FAM120C: variants seen among roughly 807,000 people sequenced by gnomAD.
FAM120C encodes constitutive coactivator of PPAR-gamma-like protein 2.
Under a neutral mutation model 71.2 loss-of-function variants are expected in FAM120C, and 14 were observed. The ratio of observed to expected loss-of-function variants is 0.20; its 90% confidence interval spans 0.13 to 0.31. FAM120C has a LOEUF of 0.31. Among genes scored for constraint, FAM120C ranks in the 10% least tolerant of loss-of-function variants. The pLI is 1.00. For synonymous variants in FAM120C, 354 were observed against 353.2 expected (o/e 1.00, Z -0.03); for missense variants, 500 against 879.0 (o/e 0.57, Z 5.45).
In FAM120C at chrX:54,152,543, C is replaced by A. The variant is rs782703543; in HGVS notation, c.1030-1170G>T. On this transcript the variant is annotated intron_variant, in intron 3 of 15. Transcript: ENST00000375180. ...AAAGTGCTGGGATTACAGGCATGAG[C>A]CACTGCGCCTGGCCCTTAACAAATT... 8.0e-5 allele frequency among the ~76,000 whole-genome samples: 9 copies of A among 112,362 alleles called. No individual in the cohort carries two copies. The South Asian group carries it at 3.3e-3, about 41-fold the overall frequency.
intron 3 of FAM120C, among the ~76,000 whole-genome samples, chrX:54,153,874 A>C (rs1170971376): frequency 2.8e-5 from 3 of 106,359 alleles, no homozygotes; most frequent in Non-Finnish European, 3.9e-5. Context: ...CCTTTTAAAA[A>C]ATTTTTAGTA....
At chrX:54,148,095 C>A (rs2146625462) in intron 4 of FAM120C, among the ~76,000 whole-genome samples, 1 of 111,622 alleles carries the variant, frequency 9.0e-6, no homozygotes, top group South Asian at 3.7e-4. Context: ...ACACCAAAAG[C>A]ATGACCCATA....
At chrX:54,180,337 C>T (rs2067341543) in intron 1 of FAM120C, among the ~76,000 whole-genome samples, 1 of 112,201 alleles carries the variant, frequency 8.9e-6, no homozygotes, top group South Asian at 3.7e-4. Context: ...ACTTTCACTC[C>T]CTTACTCAAA....
At position 54,072,571 on chromosome X, in the gene FAM120C, A is replaced by C. The variant is rs1321511810; in HGVS notation, c.*462T>G. On this transcript the variant is annotated 3_prime_UTR_variant, in exon 16 of 16. Coordinates refer to ENST00000375180, the MANE Select transcript of FAM120C (RefSeq NM_017848.6). Reference sequence around the variant, plus strand: ...GTAGATACCACTTCATAGAGAAAAAAAAAAAACAAAAAAAAACCTCAGGAG... The same window carrying C: ...GTAGATACCACTTCATAGAGAAAAACAAAAAACAAAAAAAAACCTCAGGAG... 9.1e-6 allele frequency: 1 copy of C among 109,782 alleles called. No homozygotes were observed. The highest frequency in any genetic ancestry group is 1.9e-5 in the Non-Finnish European group (1 of 53,252). 9.0% of individuals were successfully genotyped at this position (109,782 alleles called of 1,213,427 possible).
At chrX:54,073,398 C>G in intron 15 of FAM120C, 111 bp from the exon 16 acceptor site, 1 of 760,763 alleles carries the variant, frequency 1.3e-6, no homozygotes, top group Non-Finnish European at 1.8e-6. Context: ...TCAAAAACAC[C>G]AGAAGACCTC....
At chrX:54,152,946 G>A (rs1374298305) in intron 3 of FAM120C, among the ~76,000 whole-genome samples, 2 of 111,534 alleles carry the variant, frequency 1.8e-5, no homozygotes, top group African/African-American at 3.3e-5. Context: ...CAGTAGTCCC[G>A]GCACTCTGGG....
At chrX:54,139,635 C>A (rs2067113887) in intron 4 of FAM120C, among the ~76,000 whole-genome samples, 1 of 110,886 alleles carries the variant, frequency 9.0e-6, no homozygotes, top group Non-Finnish European at 1.9e-5. Flanking sequence ...GCCACCTTGC[C>A]TGGCCCCTGC....
intron 9 of FAM120C, among the ~76,000 whole-genome samples, chrX:54,124,991 AAG>A (rs2067018561): frequency 9.0e-6 from 1 of 111,520 alleles, no homozygotes; most frequent in Admixed American, 9.6e-5. Flanking sequence ...ATTTATATAA[AAG>A]AAACAAAAAA....
At chrX:54,116,863 G>A (rs1298633697) in intron 9 of FAM120C, 69 bp from the exon 10 acceptor site, 16 of 1,095,921 alleles carry the variant, frequency 1.5e-5, no homozygotes, top group African/African-American at 1.9e-5. Flanking sequence ...CTAGCCACAG[G>A]ACATTGACAG....
rs781935593 is a variant in FAM120C at position 54,182,875 on chromosome X, C to A, written c.324G>T (p.Pro108=). 1.8e-6 allele frequency: 2 copies of A among 1,135,400 alleles called. No individual in the cohort carries two copies. Among genetic ancestry groups the A allele is most frequent in the Admixed American group, 3.1e-5 (1 of 32,716 alleles). The allele number at this position is 1,135,400 out of a possible 1,213,427, so 93.6% of individuals were successfully genotyped here. The change falls in exon 1 of 16, where the codon CCG becomes CCT. Residue 108 remains proline, a synonymous_variant. Transcript: ENST00000375180. ...QPGLHPPLPP[P]PPPQLPGARV... is the part of the protein sequence containing the mutation. The stretch of plus-strand genomic sequence containing the variant: ...GGGCCCCGGGCAGCTGAGGGGGCGG[C>A]GGCGGCGGCAGCGGAGGGTGCAGCC...
At chrX:54,115,842 T>A (rs990687356) in intron 10 of FAM120C, among the ~76,000 whole-genome samples, 13 of 111,600 alleles carry the variant, frequency 1.2e-4, no homozygotes, top group African/African-American at 4.2e-4. Flanking sequence ...CCCAGAACTT[T>A]GGGAGGCCAA....
At chrX:54,091,008 G>A (rs1168875374) in intron 11 of FAM120C, among the ~76,000 whole-genome samples, 1 of 111,796 alleles carries the variant, frequency 8.9e-6, no homozygotes, top group Non-Finnish European at 1.9e-5. Flanking sequence ...ACAAGCAGGG[G>A]ACATTAGGAT....
At position 54,087,745 on chromosome X, in the gene FAM120C, A is replaced by G; in HGVS notation, c.2637+10T>C. ...CAGAGCTAGTCCTTAGCAGCCTGACATGCTGGTACCTGGCCATCACAGAGC... is the reference window on the plus strand; with the variant it reads ...CAGAGCTAGTCCTTAGCAGCCTGACGTGCTGGTACCTGGCCATCACAGAGC... On this transcript the variant is annotated intron_variant, in intron 12 of 15. Transcript: ENST00000375180. The G allele has an allele frequency of 8.3e-7, 1 of 1,206,913 alleles. No homozygotes were observed. Among genetic ancestry groups the G allele is most frequent in the South Asian group, 1.8e-5 (1 of 56,622 alleles).
intron 4 of FAM120C, among the ~76,000 whole-genome samples, chrX:54,145,254 G>T (rs2067148867): frequency 8.9e-6 from 1 of 111,742 alleles, no homozygotes; most frequent in Non-Finnish European, 1.9e-5. Context: ...ACATAGGCAT[G>T]GGCAAGGACT....
At chrX:54,081,543 G>A in intron 13 of FAM120C, 83 bp from the exon 14 acceptor site, 2 of 1,038,023 alleles carry the variant, frequency 1.9e-6, no homozygotes, top group South Asian at 2.4e-5. Context: ...AGGCTGAGTC[G>A]GGCGGATTAC....
At chrX:54,125,280 ACATGTCAATACCTCTG>A in intron 9 of FAM120C, among the ~76,000 whole-genome samples, 1 of 109,605 alleles carries the variant, frequency 9.1e-6, no homozygotes, top group Middle Eastern at 4.7e-3. Flanking sequence ...CCATTGATCT[ACATGTCAATACCTCTG>A]CCTAGTCTTT....
intron 3 of FAM120C, 143 bp from the exon 4 acceptor site, chrX:54,151,516 C>T (rs2067184231): frequency 4.6e-6 from 3 of 658,992 alleles, no homozygotes; most frequent in South Asian, 6.5e-5. Context: ...AATAGTTTTG[C>T]CCCTTCATTC....
rs1334843374 is a variant in FAM120C at position 54,070,767 on chromosome X, C to T, written c.*2266G>A. On this transcript the variant is annotated 3_prime_UTR_variant, in exon 16 of 16. Transcript: ENST00000375180. ...GAGGAGGTTTTTCTATACTTTGTTT[C>T]TACTTCTGTCTGGTTAGATGTACAC... 1.8e-5 allele frequency: 2 copies of T among 111,894 alleles called. No homozygotes were observed. The highest frequency in any genetic ancestry group is 3.2e-5 in the African/African-American group (1 of 30,803). The allele number at this position is 111,894 out of a possible 1,213,427, so 9.2% of individuals were successfully genotyped here. A position where few individuals can be genotyped will look rare whatever the true frequency, so the allele number is the denominator to read the frequency against.
At chrX:54,167,108 C>T (rs113554764) in intron 1 of FAM120C, among the ~76,000 whole-genome samples, 1,709 of 111,971 alleles carry the variant, frequency 0.015, 28 homozygotes, top group African/African-American at 0.054. Flanking sequence ...TGTTTTTTAA[C>T]AAGAACCCCA....
Sources: allele counts gnomAD v4.1 joint callset (sites outside exome capture counted in the v4.1 genomes callset), GRCh38; gene constraint gnomAD v4.1.1; transcripts MANE v1.5; gene names NCBI Gene and HGNC (gene_info 2026-07-23, HGNC 2026-07-21).